The following ALOX5AP variants were observed in gnomAD, a reference collection of about 807,000 sequenced individuals.
ALOX5AP encodes the protein arachidonate 5-lipoxygenase activating protein.
ALOX5AP carries 9 observed loss-of-function variants against 18.5 expected under a neutral mutation model. The ratio of observed to expected loss-of-function variants is 0.49; its 90% confidence interval spans 0.29 to 0.85. The LOEUF (loss-of-function observed/expected upper bound fraction) is 0.85, where lower values mean the gene tolerates loss of function less well. Among genes scored for constraint, ALOX5AP ranks in the 40% least tolerant of loss-of-function variants. ALOX5AP has a pLI of 0.08. For missense variants in ALOX5AP, 172 were observed against 202.5 expected (o/e 0.85, Z 0.91); for synonymous variants, 81 against 78.6 (o/e 1.03, Z -0.16).
intron 1 of ALOX5AP, among the ~76,000 whole-genome samples, chr13:30,736,146 A>C (rs562175280): frequency 1.3e-5 from 2 of 152,140 alleles, no homozygotes; most frequent in Non-Finnish European, 2.9e-5. Context: ...CGTAGAAAAA[A>C]TCATCTTATT....
At chr13:30,733,320 T>C (rs1056421977), upstream of ALOX5AP, among the ~76,000 whole-genome samples, 1 of 152,252 alleles carries the variant, frequency 6.6e-6, no homozygotes, top group African/African-American at 2.4e-5. Flanking sequence ...TAGTTTGAGC[T>C]AAGTTTCTAT....
intron 4 of ALOX5AP, among the ~76,000 whole-genome samples, chr13:30,758,016 C>A (rs1164904470): frequency 6.6e-6 from 1 of 152,118 alleles, no homozygotes; most frequent in Non-Finnish European, 1.5e-5. Context: ...CCCCTCTGGC[C>A]GTGGTAGGCA....
At chr13:30,727,284 C>T (rs375867235) in intron 1 of ALOX5AP, among the ~76,000 whole-genome samples, 11 of 152,032 alleles carry the variant, frequency 7.2e-5, no homozygotes, top group African/African-American at 2.7e-4. Context: ...CCTCAAGTGA[C>T]CCACCTGCTT....
intron 1 of ALOX5AP, among the ~76,000 whole-genome samples, chr13:30,727,582 G>A (rs1315193480): frequency 1.3e-5 from 2 of 152,056 alleles, no homozygotes; most frequent in African/African-American, 4.8e-5. Flanking sequence ...TAAGCAGGTC[G>A]GGGAGGGCAT....
At chr13:30,741,611 G>A (rs771361291) in intron 1 of ALOX5AP, among the ~76,000 whole-genome samples, 44 of 143,376 alleles carry the variant, frequency 3.1e-4, no homozygotes, top group Non-Finnish European at 4.5e-4. Context: ...GTGTCACCAC[G>A]TTGGCCTGGC....
At position 30,764,232 on chromosome 13, in the gene ALOX5AP, C is replaced by T. The variant is rs1407679678; in HGVS notation, c.*126C>T. On this transcript the variant is annotated 3_prime_UTR_variant, in exon 5 of 5. Coordinates refer to ENST00000380490, the MANE Select transcript of ALOX5AP (RefSeq NM_001629.4). The stretch of plus-strand genomic sequence containing the variant: ...AAATCTATTGGCCATCTGGGCTTCA[C>T]AGCTTGAGTTAACCTTGCTTTTCCG... 2 of 1,088,888 alleles carry T rather than the reference C, an allele frequency of 1.8e-6. No individual in the cohort carries two copies. Among genetic ancestry groups the T allele is most frequent in the African/African-American group, 1.6e-5 (1 of 62,264 alleles). 67.5% of individuals were successfully genotyped at this position (1,088,888 alleles called of 1,614,324 possible).
chr13:30,733,990 G>A (rs1373436571), upstream of ALOX5AP, among the ~76,000 whole-genome samples: 1 of 152,154 alleles, frequency 6.6e-6, no homozygotes, highest in African/African-American at 2.4e-5. Flanking sequence ...AATGCAGACT[G>A]GTCTCCACCA....
chr13:30,718,759 G>A (rs1052482614), intron 1 of ALOX5AP, among the ~76,000 whole-genome samples: 1 of 152,184 alleles, frequency 6.6e-6, no homozygotes, highest in Non-Finnish European at 1.5e-5. Context: ...GCTGCCCAAT[G>A]CAGCTCCCAG....
intron 1 of ALOX5AP, among the ~76,000 whole-genome samples, chr13:30,717,353 G>A (rs1951558108): frequency 6.6e-6 from 1 of 152,190 alleles, no homozygotes; most frequent in Non-Finnish European, 1.5e-5. Context: ...AAAGGTGTGG[G>A]GGAAAACCCC....
At chr13:30,752,264 A>G in intron 3 of ALOX5AP, 142 bp downstream of exon 3, 1 of 783,134 alleles carries the variant, frequency 1.3e-6, no homozygotes, top group Non-Finnish European at 2.1e-6. Context: ...AGCCCTCGGG[A>G]GGCCGTGTTT....
At chr13:30,726,050 T>A (rs1339181970) in intron 1 of ALOX5AP, among the ~76,000 whole-genome samples, 1 of 152,200 alleles carries the variant, frequency 6.6e-6, no homozygotes, top group Non-Finnish European at 1.5e-5. Context: ...TTTCTCACTA[T>A]CACCCTGGTG....
intron 3 of ALOX5AP, among the ~76,000 whole-genome samples, chr13:30,752,737 G>A (rs1951862796): frequency 6.6e-6 from 1 of 152,234 alleles, no homozygotes. Flanking sequence ...GCCAGCTTCT[G>A]TGGCCCTGGA....
chr13:30,717,108 C>T (rs929307759), intron 1 of ALOX5AP, among the ~76,000 whole-genome samples: 1 of 152,192 alleles, frequency 6.6e-6, no homozygotes, highest in African/African-American at 2.4e-5. Context: ...ACAGTCCCTG[C>T]TCTAAATCAC....
chr13:30,739,156 A>C (rs1374053787), intron 1 of ALOX5AP, among the ~76,000 whole-genome samples: 1 of 152,016 alleles, frequency 6.6e-6, no homozygotes, highest in African/African-American at 2.4e-5. Flanking sequence ...CAAACTTCCA[A>C]GCTTGCCTTT....
chr13:30,757,737 A>G (rs146428991), intron 4 of ALOX5AP, among the ~76,000 whole-genome samples: 1,609 of 152,326 alleles, frequency 0.011, 10 homozygotes, highest in Non-Finnish European at 0.017. Flanking sequence ...AGAACATGAC[A>G]AAATTTGTCC....
chr13:30,750,178 G>A (rs1376751683), intron 2 of ALOX5AP, among the ~76,000 whole-genome samples: 1 of 152,136 alleles, frequency 6.6e-6, no homozygotes, highest in Non-Finnish European at 1.5e-5. Flanking sequence ...CCGAGAGCAT[G>A]CCTGGAGAAC....
chr13:30,749,633 C>G (rs1951836135), intron 2 of ALOX5AP, among the ~76,000 whole-genome samples: 1 of 152,214 alleles, frequency 6.6e-6, no homozygotes, highest in Non-Finnish European at 1.5e-5. Flanking sequence ...GTAGGGGCCT[C>G]CTGCCCTTTG....
chr13:30,747,722 C>G (rs1018548194), intron 2 of ALOX5AP, among the ~76,000 whole-genome samples: 1 of 152,106 alleles, frequency 6.6e-6, no homozygotes, highest in African/African-American at 2.4e-5. Flanking sequence ...TCTTTATAGA[C>G]AGACTTTTGA....
At chr13:30,748,050 G>C (rs1483967306) in intron 2 of ALOX5AP, among the ~76,000 whole-genome samples, 1 of 152,082 alleles carries the variant, frequency 6.6e-6, no homozygotes, top group Non-Finnish European at 1.5e-5. Flanking sequence ...CTCCTGAGTA[G>C]CTGGGATTAC....
Sources: allele counts gnomAD v4.1 joint callset (sites outside exome capture counted in the v4.1 genomes callset), GRCh38; gene constraint gnomAD v4.1.1; transcripts MANE v1.5; gene names NCBI Gene and HGNC (gene_info 2026-07-23, HGNC 2026-07-21).